The following TBCK variants were observed in gnomAD, a reference collection of about 807,000 sequenced individuals.
TBCK encodes TBC1 domain containing kinase.
In TBCK, 99 loss-of-function variants were observed where a neutral mutation model predicts 113.4. The ratio of observed to expected loss-of-function variants is 0.87; its 90% CI spans 0.74 to 1.03. The LOEUF is 1.03. Among genes scored for constraint, TBCK ranks in the 50% least tolerant of loss-of-function variants. The pLI is 0.00. For synonymous variants in TBCK, 369 were observed against 370.8 expected (o/e 1.00, Z 0.05); for missense variants, 1,045 against 1,061.3 (o/e 0.98, Z 0.21).
chr4:106,164,159 C>T (rs1220665368), intron 23 of TBCK, among the ~76,000 whole-genome samples: 4 of 152,014 alleles, frequency 2.6e-5, no homozygotes, highest in Non-Finnish European at 4.4e-5. Context: ...TCATCTTTCA[C>T]TAAAATTGTG....
At position 106,201,839 on chromosome 4, in the gene TBCK, G is replaced by A. The variant is rs571148615; in HGVS notation, c.1861-7085C>T. On this transcript the variant is annotated intron_variant, in intron 20 of 25. Coordinates refer to ENST00000394708, the MANE Select transcript of TBCK (RefSeq NM_001163435.3). The stretch of plus-strand genomic sequence containing the variant: ...CTATATTGTCTATCTTAAGTCAGAA[G>A]TATTTTCATATTTAAATTATTATAT... Among the ~76,000 whole-genome samples, 3 of 152,092 alleles carry A rather than the reference G, an allele frequency of 2.0e-5. No individual in the cohort carries two copies. The South Asian group carries it at 6.2e-4, about 32-fold the overall frequency.
intron 20 of TBCK, among the ~76,000 whole-genome samples, chr4:106,205,936 C>A (rs1755451466): frequency 6.6e-6 from 1 of 152,018 alleles, no homozygotes; most frequent in Non-Finnish European, 1.5e-5. Flanking sequence ...AACAATACCA[C>A]TATTGCATTT....
rs549098064 is a variant in TBCK, at chr4:106,144,271, T to G, written c.2235+26824A>C. Among the ~76,000 whole-genome samples the G allele has an allele frequency of 2.6e-5, 4 of 152,322 alleles. No homozygotes were observed. The East Asian group carries it at 7.7e-4, about 29-fold the overall frequency. ...ATAAAATGATAAAAATCTTGTTAAC[T>G]GTAAATTGAAGAGCTCTGTTTCGAA... On this transcript the variant is annotated intron_variant, in intron 23 of 25. Coordinates refer to ENST00000394708, the MANE Select transcript of TBCK (RefSeq NM_001163435.3).
At position 106,295,139 on chromosome 4, in the gene TBCK, C is replaced by A; in HGVS notation, c.221G>T (p.Cys74Phe). The A allele has an allele frequency of 6.2e-7, 1 of 1,613,446 alleles. No homozygotes were observed. Among genetic ancestry groups the A allele is most frequent in the Non-Finnish European group, 8.5e-7 (1 of 1,179,600 alleles). Residue 74 changes from cysteine to phenylalanine, a missense_variant, in exon 3 of 26, where the codon TGT becomes TTT. Cys to Phe is a radical substitution (Grantham distance 205, BLOSUM62 -2). Transcript: ENST00000394708. ...HERLVVVAEH[C>F]ERSLEDLLRE... is the part of the protein sequence containing the mutation. ...AAGCAAGTCTTCCAGACTACGTTCACAATGTTCAGCCACGACCACTAGTCG... is the reference window on the plus strand; with the variant it reads ...AAGCAAGTCTTCCAGACTACGTTCAAAATGTTCAGCCACGACCACTAGTCG...
At chr4:106,069,606 T>G (rs1424402659) in intron 25 of TBCK, among the ~76,000 whole-genome samples, 2 of 152,214 alleles carry the variant, frequency 1.3e-5, no homozygotes, top group African/African-American at 4.8e-5. Flanking sequence ...TCTTTTGGCT[T>G]AGAATTGTCT....
chr4:106,268,984 G>C (rs7694217), intron 3 of TBCK, among the ~76,000 whole-genome samples: 146,664 of 152,194 alleles, frequency 0.96, 70,963 homozygotes, highest in Middle Eastern at 1. Context: ...AACACCCATA[G>C]TGTCAGCTAA....
rs1761289620 is a variant in TBCK, at chr4:106,250,348, C to T, written c.658+70G>A. On this transcript the variant is annotated intron_variant, in intron 7 of 25. Coordinates refer to ENST00000394708, the MANE Select transcript of TBCK (RefSeq NM_001163435.3). The stretch of plus-strand genomic sequence containing the variant: ...ACTCACTATTTCAAAAGAACACATC[C>T]TCAATGTGCATGATTACTAATAGTA... The T allele has an allele frequency of 2.9e-6, 3 of 1,045,416 alleles. No homozygotes were observed. The South Asian group carries it at 4.4e-5, about 15-fold the overall frequency. The allele number at this position is 1,045,416 out of a possible 1,614,324, so 64.8% of individuals were successfully genotyped here. A position where few individuals can be genotyped will look rare whatever the true frequency, so the allele number is the denominator to read the frequency against.
Position 106,308,951 on chromosome 4 carries a change from G to A in TBCK, c.10C>T (p.Leu4=), listed in dbSNP as rs1300141013. MFP[L]KDAEMGAFTF... is the part of the protein sequence containing the mutation. Reference sequence around the variant, plus strand: ...AAGGCTCCCATTTCAGCGTCCTTCAGGGGAAACATTTTTGGAGTCCTAGGT... The same window carrying A: ...AAGGCTCCCATTTCAGCGTCCTTCAAGGGAAACATTTTTGGAGTCCTAGGT... The change falls in exon 2 of 26, where the codon CTG becomes TTG. Residue 4 remains leucine, a synonymous_variant. Transcript: ENST00000394708. 6.2e-7 allele frequency: 1 copy of A among 1,613,622 alleles called. No individual in the cohort carries two copies. Among genetic ancestry groups the A allele is most frequent in the Admixed American group, 1.7e-5 (1 of 59,920 alleles).
intron 7 of TBCK, among the ~76,000 whole-genome samples, 176 bp downstream of exon 7, chr4:106,250,242 T>C (rs1761277921): frequency 6.6e-6 from 1 of 152,072 alleles, no homozygotes; most frequent in South Asian, 2.1e-4. Context: ...TGTAATATTT[T>C]AGAAGGGACC....
At chr4:106,167,829 C>A (rs539901087) in intron 23 of TBCK, among the ~76,000 whole-genome samples, 1 of 151,522 alleles carries the variant, frequency 6.6e-6, no homozygotes, top group Non-Finnish European at 1.5e-5. Context: ...TCTGAATAGG[C>A]CTGCATCTAT....
chr4:106,137,485 T>A lies in TBCK; in HGVS notation c.2236-21107A>T, dbSNP rs964548360. 7.1e-5 allele frequency among the ~76,000 whole-genome samples: 10 copies of A among 140,364 alleles called. 2 individuals carry two copies. The highest frequency in any genetic ancestry group is 1.5e-4 in the Non-Finnish European group (9 of 61,814). The allele number at this position is 140,364 out of a possible 152,430, so 92.1% of individuals were successfully genotyped here. On this transcript the variant is annotated intron_variant, in intron 23 of 25. Transcript: ENST00000394708. ...CACAGACTATCACTCTCAAAGGAAT[T>A]TTAACAAGAAAAGTTACCTTCAAAA...
intron 22 of TBCK, among the ~76,000 whole-genome samples, chr4:106,171,608 A>G (rs1751023722): frequency 6.7e-6 from 1 of 149,210 alleles, no homozygotes; most frequent in Admixed American, 6.6e-5. Flanking sequence ...TCCTTATTTA[A>G]AAATCTGCCA....
chr4:106,165,044 G>T (rs911830342), intron 23 of TBCK, among the ~76,000 whole-genome samples: 1 of 151,510 alleles, frequency 6.6e-6, no homozygotes, highest in East Asian at 1.9e-4. Context: ...GGTATTCAAA[G>T]AACTTAACAA....
chr4:106,282,013 A>G (rs1764646504), intron 3 of TBCK, among the ~76,000 whole-genome samples: 1 of 152,144 alleles, frequency 6.6e-6, no homozygotes, highest in African/African-American at 2.4e-5. Context: ...GGCGGAATTC[A>G]GCTATAAAGT....
At position 106,133,297 on chromosome 4, in the gene TBCK, A is replaced by G. The variant is rs537863945; in HGVS notation, c.2236-16919T>C. Among the ~76,000 whole-genome samples the G allele has an allele frequency of 2.4e-4, 37 of 152,254 alleles. No individual in the cohort carries two copies. In the South Asian group the frequency reaches 7.5e-3, roughly 31 times the overall value. ...GAGATCTGATGGTTTTATAAATGGG[A>G]GTTCCCCTTGCCTGCTGATATGTAA... On this transcript the variant is annotated intron_variant, in intron 23 of 25. Coordinates refer to ENST00000394708, the MANE Select transcript of TBCK (RefSeq NM_001163435.3).
chr4:106,166,404 G>A (rs771541908), intron 23 of TBCK, among the ~76,000 whole-genome samples: 4 of 151,578 alleles, frequency 2.6e-5, no homozygotes, highest in Non-Finnish European at 5.9e-5. Flanking sequence ...ATGTAAAAGA[G>A]GTAATTCCTT....
rs1254039224 is a variant in TBCK at position 106,244,855 on chromosome 4, AT to A, written c.932-92del. The A allele has an allele frequency of 1.4e-5, 11 of 801,532 alleles. No homozygotes were observed. The East Asian group carries it at 3.3e-4, about 24-fold the overall frequency. 49.7% of individuals were successfully genotyped at this position (801,532 alleles called of 1,614,324 possible). ...AGTAATAGCTGCCATTCTAAAAAAA[AT>A]AAACTCTGAAGAACAGACTTCCAGT... On this transcript the variant is annotated intron_variant, in intron 10 of 25. Transcript: ENST00000394708.
At chr4:106,269,313 A>G (rs1763269206) in intron 3 of TBCK, among the ~76,000 whole-genome samples, 1 of 152,180 alleles carries the variant, frequency 6.6e-6, no homozygotes, top group Non-Finnish European at 1.5e-5. Context: ...CTCAGCTAGT[A>G]TATAACTTTT....
At chr4:106,259,642 G>A (rs1762316141) in intron 5 of TBCK, among the ~76,000 whole-genome samples, 1 of 151,842 alleles carries the variant, frequency 6.6e-6, no homozygotes, top group Admixed American at 6.6e-5. Context: ...TATATGCTCG[G>A]AGAAAAAACA....
Sources: allele counts gnomAD v4.1 joint callset (sites outside exome capture counted in the v4.1 genomes callset), GRCh38; gene constraint gnomAD v4.1.1; transcripts MANE v1.5; gene names NCBI Gene and HGNC (gene_info 2026-07-23, HGNC 2026-07-21).